PATJ: variants seen among roughly 807,000 people sequenced by gnomAD.
PATJ encodes inaD-like protein.
Under a neutral mutation model 224.9 loss-of-function variants are expected in PATJ, and 190 were observed. The observed-to-expected ratio is 0.84, with a 90% CI of 0.75 to 0.95. The LOEUF (loss-of-function observed/expected upper bound fraction) is 0.95. PATJ is among the 40% of genes least tolerant of loss of function. The pLI is 0.00. For synonymous variants in PATJ, 769 were observed against 820.3 expected (o/e 0.94, Z 1.07); for missense variants, 2,121 against 2,270.3 (o/e 0.93, Z 1.34).
chr1:61,791,301 A>C (rs754382236), intron 8 of PATJ, 47 bp from the exon 9 acceptor site: 8 of 1,080,260 alleles, frequency 7.4e-6, no homozygotes, highest in Non-Finnish European at 1.0e-5. Context: ...ATGTACACAC[A>C]GGTATGCCAC....
chr1:61,744,526 A>T (rs1032036915), intron 1 of PATJ, among the ~76,000 whole-genome samples: 1 of 149,958 alleles, frequency 6.7e-6, no homozygotes, highest in Admixed American at 6.7e-5. Flanking sequence ...AAGTTAATAA[A>T]TATGGAAATA....
chr1:61,811,185 A>G (rs781664482), intron 14 of PATJ, among the ~76,000 whole-genome samples: 24 of 152,204 alleles, frequency 1.6e-4, no homozygotes, highest in Non-Finnish European at 3.2e-4. Context: ...ATAGATTTAT[A>G]TAGGTATTAA....
intron 12 of PATJ, 27 bp downstream of exon 12, chr1:61,801,796 T>C: frequency 6.8e-7 from 1 of 1,463,902 alleles, no homozygotes; most frequent in South Asian, 1.6e-5. Flanking sequence ...CACTTTGCGA[T>C]AACAGACTTC....
intron 20 of PATJ, 61 bp from the exon 21 acceptor site, chr1:61,875,182 T>C: frequency 9.0e-7 from 1 of 1,105,488 alleles, no homozygotes. Context: ...CTTGATCAAC[T>C]GTACAGTAAT....
At chr1:62,116,995 C>T (rs1664509611) in intron 36 of PATJ, 137 bp from the exon 37 acceptor site, 1 of 689,698 alleles carries the variant, frequency 1.4e-6, no homozygotes, top group Admixed American at 3.0e-5. Context: ...CAGAATTCAT[C>T]CTCCTCTCTC....
At chr1:61,931,558 G>T (rs1272514291) in intron 27 of PATJ, among the ~76,000 whole-genome samples, 1 of 152,178 alleles carries the variant, frequency 6.6e-6, no homozygotes, top group Non-Finnish European at 1.5e-5. Context: ...GAGTCCAGGA[G>T]TTCAAGACCA....
At chr1:62,091,920 G>C (rs527447158) in intron 33 of PATJ, among the ~76,000 whole-genome samples, 5 of 152,048 alleles carry the variant, frequency 3.3e-5, no homozygotes, top group African/African-American at 1.2e-4. Flanking sequence ...GCTGAGCATG[G>C]TGGCACGTGG....
intron 28 of PATJ, among the ~76,000 whole-genome samples, chr1:62,012,656 A>G (rs939724361): frequency 6.6e-6 from 1 of 152,160 alleles, no homozygotes; most frequent in African/African-American, 2.4e-5. Context: ...TTTAGTGATG[A>G]AAAAATATGA....
chr1:61,950,300 T>C (rs1301488494), intron 27 of PATJ, among the ~76,000 whole-genome samples: 9 of 152,230 alleles, frequency 5.9e-5, no homozygotes, highest in Non-Finnish European at 1.2e-4. Context: ...TCATTTGGTA[T>C]CTAATTTTAC....
At chr1:61,813,779 A>G (rs963297843) in intron 14 of PATJ, among the ~76,000 whole-genome samples, 4 of 152,268 alleles carry the variant, frequency 2.6e-5, no homozygotes, top group East Asian at 1.9e-4. Context: ...TAAGAAAGTA[A>G]CATTTGATGA....
intron 17 of PATJ, among the ~76,000 whole-genome samples, chr1:61,849,526 G>A (rs1240781427): frequency 2.6e-5 from 4 of 152,192 alleles, no homozygotes; most frequent in Non-Finnish European, 4.4e-5. Flanking sequence ...CCAGGAGGTC[G>A]AGACTGCAGT....
chr1:61,787,018 TC>T (rs1648698494), intron 7 of PATJ, among the ~76,000 whole-genome samples: 2 of 151,810 alleles, frequency 1.3e-5, no homozygotes, highest in Admixed American at 6.6e-5. Flanking sequence ...TATCTATCTA[TC>T]TGTCTATCTA....
chr1:62,114,126 T>C lies in PATJ; in HGVS notation c.4535T>C (p.Val1512Ala). The C allele has an allele frequency of 1.2e-6, 2 of 1,613,110 alleles. No individual in the cohort carries two copies. The highest frequency in any genetic ancestry group is 1.7e-5 in the Admixed American group (1 of 59,928). The change falls in exon 35 of 44, where the codon GTG becomes GCG. Residue 1512 changes from valine (V) to alanine (A), a missense_variant. Physicochemically the swap from Val to Ala is moderately conservative, Grantham distance 64. Transcript: ENST00000642238. ...ITALRQTPQK[V>A]RLVVYRDEAH... is the part of the protein sequence containing the mutation. ...GCCCTGAGGCAGACCCCCCAGAAGG[T>C]GCGGCTGGTGGTGTATAGAGATGAG...
rs1229837123 is a variant in PATJ at position 62,106,079 on chromosome 1, TACACACACACAC to T, written c.4378-2328_4378-2317del. On this transcript the variant is annotated intron_variant, in intron 33 of 43. Transcript: ENST00000642238. ...AAAAAAAAAAATATATATATATATA[TACACACACACAC>T]ACACACACACACACACACACACACA... Among the ~76,000 whole-genome samples, 41 of 20,768 alleles carry T rather than the reference TACACACACACAC, an allele frequency of 2.0e-3. No homozygotes were observed. The East Asian group carries it at 0.058, about 29-fold the overall frequency. The allele number at this position is 20,768 out of a possible 152,430, so 13.6% of individuals were successfully genotyped here. A position where few individuals can be genotyped will look rare whatever the true frequency, so the allele number is the denominator to read the frequency against.
chr1:62,009,048 C>T (rs1646271841), intron 28 of PATJ, among the ~76,000 whole-genome samples: 1 of 152,152 alleles, frequency 6.6e-6, no homozygotes, highest in Non-Finnish European at 1.5e-5. Flanking sequence ...AGTTTCTCTA[C>T]CTCTCAATTT....
chr1:61,805,541 T>G lies in PATJ; in HGVS notation c.1626+17T>G, dbSNP rs1653360336. The G allele has an allele frequency of 6.9e-7, 1 of 1,442,972 alleles. No homozygotes were observed. The highest frequency in any genetic ancestry group is 1.4e-5 in the African/African-American group (1 of 71,194). 89.4% of individuals were successfully genotyped at this position (1,442,972 alleles called of 1,614,324 possible). On this transcript the variant is annotated intron_variant, in intron 13 of 43. Transcript: ENST00000642238. The stretch of plus-strand genomic sequence containing the variant: ...GAAGTAATGGTATGTTAAAATGCTC[T>G]AATAAAAAACATTCATGTCTCATTT...
intron 43 of PATJ, among the ~76,000 whole-genome samples, chr1:62,156,961 A>C (rs1025255352): frequency 6.6e-6 from 1 of 152,060 alleles, no homozygotes; most frequent in Non-Finnish European, 1.5e-5. Context: ...AAAAGATCAC[A>C]TGAAAATCTA....
intron 21 of PATJ, among the ~76,000 whole-genome samples, chr1:61,878,801 T>TG (rs1219109832): frequency 6.6e-6 from 1 of 152,080 alleles, no homozygotes; most frequent in Non-Finnish European, 1.5e-5. Flanking sequence ...TTTTTTTTTT[T>TG]GAGACGGAGT....
intron 28 of PATJ, among the ~76,000 whole-genome samples, chr1:62,014,562 C>CTTTTTTTTTTTTTTTTTTT (rs35711547): frequency 1.2e-5 from 1 of 84,518 alleles, no homozygotes; most frequent in Non-Finnish European, 2.2e-5. Flanking sequence ...CTTTTCTTTC[C>CTTTTTTTTTTTTTTTTTTT]TTTTTTTTTT....
Sources: gnomAD v4.1 joint callset for allele counts (sites outside exome capture counted in the v4.1 genomes callset) on GRCh38, gnomAD v4.1.1 for gene constraint, MANE v1.5 for transcripts, NCBI Gene and HGNC (gene_info 2026-07-23, HGNC 2026-07-21) for gene names.